PRICKLE2: variants seen among roughly 807,000 people sequenced by gnomAD.
PRICKLE2 encodes prickle planar cell polarity protein 2.
PRICKLE2 carries 21 observed loss-of-function variants against 81.4 expected under a neutral mutation model. That is an observed-to-expected ratio of 0.26 (90% CI 0.18 to 0.37). PRICKLE2 has a LOEUF of 0.37. Among genes scored for constraint, PRICKLE2 ranks in the 10% least tolerant of loss-of-function variants. PRICKLE2 has a pLI of 1.00. For missense variants in PRICKLE2, 940 were observed against 1,109.0 expected (o/e 0.85, Z 2.16); for synonymous variants, 456 against 421.5 (o/e 1.08, Z -1.00).
intron 1 of PRICKLE2, among the ~76,000 whole-genome samples, chr3:64,202,140 G>A (rs1256678197): frequency 6.6e-6 from 1 of 152,170 alleles, no homozygotes; most frequent in Admixed American, 6.5e-5. Flanking sequence ...CTGCAGTTCT[G>A]CGGTAAGTTT....
chr3:64,247,504 T>G (rs941043938), intron 2 of PRICKLE2, among the ~76,000 whole-genome samples: 1 of 152,218 alleles, frequency 6.6e-6, no homozygotes, highest in African/African-American at 2.4e-5. Context: ...TAATCTCCTG[T>G]ATCTTACTGA....
intron 2 of PRICKLE2, among the ~76,000 whole-genome samples, chr3:64,255,225 G>A (rs866344455): frequency 6.6e-6 from 1 of 152,176 alleles, no homozygotes; most frequent in Non-Finnish European, 1.5e-5. Context: ...CTCTCTGTGT[G>A]CATGCCTGAG....
rs542860269 is a variant in PRICKLE2 at position 64,098,968 on chromosome 3, G to A, written c.*83C>T. ...TCTCCCCCATAAGCCACCCCCAAAA[G>A]CGCTTTAACATTTAAAACAGTGCAA... is the stretch of plus-strand genomic sequence containing the variant. On this transcript the variant is annotated 3_prime_UTR_variant, in exon 8 of 8. Coordinates refer to ENST00000638394, the MANE Select transcript of PRICKLE2 (RefSeq NM_198859.4). The A allele has an allele frequency of 3.9e-6, 6 of 1,544,748 alleles. No individual in the cohort carries two copies. In the East Asian group the frequency reaches 9.0e-5, roughly 23 times the overall value.
At chr3:64,146,569 C>A (rs887155368) in intron 7 of PRICKLE2, 1 of 431,110 alleles carries the variant, frequency 2.3e-6, no homozygotes, top group Non-Finnish European at 4.3e-6. Context: ...CGGTGAAACA[C>A]GTGTGTACTA....
rs1257877651 is a variant in PRICKLE2, at chr3:64,146,847, G to T, written c.1643C>A (p.Ala548Asp). ...QTPRGSMESLALSNATGLSAD... is the reference protein window; with the variant it reads ...QTPRGSMESLDLSNATGLSAD... ...GAACCTACCTGTTGCATTAGACAGG[G>T]CCAGGGATTCCATGGAGCCCCGAGG... The change falls in exon 7 of 8, where the codon GCC becomes GAC. Residue 548 changes from alanine to aspartate, a missense_variant. Transcript: ENST00000638394. The T allele has an allele frequency of 2.5e-6, 4 of 1,613,998 alleles. No individual in the cohort carries two copies. The highest frequency in any genetic ancestry group is 3.4e-6 in the Non-Finnish European group (4 of 1,180,020).
At chr3:64,251,445 G>A (rs1294968868) in intron 2 of PRICKLE2, among the ~76,000 whole-genome samples, 3 of 152,110 alleles carry the variant, frequency 2.0e-5, no homozygotes, top group Non-Finnish European at 4.4e-5. Context: ...GGGACAGGGG[G>A]GCAAGAAATC....
intron 2 of PRICKLE2, among the ~76,000 whole-genome samples, chr3:64,238,608 G>T (rs1056163541): frequency 7.9e-5 from 12 of 152,154 alleles, no homozygotes; most frequent in Admixed American, 7.9e-4. Context: ...GGGAGAAAAG[G>T]TCCCCTGCTG....
At chr3:64,112,208 T>G (rs2076858916) in intron 7 of PRICKLE2, among the ~76,000 whole-genome samples, 1 of 152,220 alleles carries the variant, frequency 6.6e-6, no homozygotes, top group South Asian at 2.1e-4. Flanking sequence ...TTATTATACC[T>G]GCCTGTCCAC....
rs761911298 is a variant in PRICKLE2 at position 64,147,184 on chromosome 3, C to G, written c.1306G>C (p.Gly436Arg). Residue 436 changes from glycine (G) to arginine (R), a missense_variant, in exon 7 of 8, where the codon GGG becomes CGG. Transcript: ENST00000638394. The surrounding 1 kb of genome is among the most constrained non-coding windows in gnomAD (Gnocchi z 5.0). Reference protein sequence around the residue: ...TSYSPGGQGAGAQPEMWGKHF... With the variant: ...TSYSPGGQGARAQPEMWGKHF... The stretch of plus-strand genomic sequence containing the variant: ...TTGCCCCACATTTCGGGCTGGGCCC[C>G]AGCCCCTTGCCCTCCTGGACTGTAG... 1 of 1,613,812 alleles carries G rather than the reference C, an allele frequency of 6.2e-7. No homozygotes were observed. Among genetic ancestry groups the G allele is most frequent in the Admixed American group, 1.7e-5 (1 of 60,004 alleles).
intron 6 of PRICKLE2, among the ~76,000 whole-genome samples, chr3:64,152,578 G>T (rs1422986487): frequency 6.7e-6 from 1 of 149,944 alleles, no homozygotes; most frequent in Non-Finnish European, 1.5e-5. Flanking sequence ...AGACATACTT[G>T]CCAGAAGCCA....
At chr3:64,200,103 G>A (rs1187865711) in intron 1 of PRICKLE2, 1 of 152,062 alleles carries the variant, frequency 6.6e-6, no homozygotes, top group Non-Finnish European at 1.5e-5. Flanking sequence ...AGAAACCCCA[G>A]GAGCATTGGC....
chr3:64,121,650 T>G (rs894837309), intron 7 of PRICKLE2, among the ~76,000 whole-genome samples: 5 of 152,326 alleles, frequency 3.3e-5, no homozygotes, highest in Admixed American at 2.6e-4. Context: ...ATTCCTTATC[T>G]TGATGGCTAA....
At chr3:64,140,829 T>C (rs182983812) in intron 7 of PRICKLE2, among the ~76,000 whole-genome samples, 6 of 152,172 alleles carry the variant, frequency 3.9e-5, no homozygotes, top group African/African-American at 1.4e-4. Flanking sequence ...CTCTTTAGCA[T>C]TGGCAAACAG....
At chr3:64,190,342 A>T (rs1350107273) in intron 2 of PRICKLE2, 1 of 152,176 alleles carries the variant, frequency 6.6e-6, no homozygotes, top group African/African-American at 2.4e-5. Flanking sequence ...AAAATATCTG[A>T]CACATGTAAG....
intron 2 of PRICKLE2, among the ~76,000 whole-genome samples, chr3:64,257,096 TCAC>T (rs1173438024): frequency 2.6e-5 from 4 of 152,208 alleles, no homozygotes; most frequent in African/African-American, 9.7e-5. Flanking sequence ...TAGTAATGCT[TCAC>T]CCATTCATTT....
intron 2 of PRICKLE2, among the ~76,000 whole-genome samples, chr3:64,191,481 A>T (rs1238695619): frequency 6.6e-6 from 1 of 152,144 alleles, no homozygotes; most frequent in Non-Finnish European, 1.5e-5. Flanking sequence ...GTCTGAGATT[A>T]TATCTGTCTC....
In PRICKLE2 at chr3:64,147,483, C is replaced by A. The variant is rs147289291; in HGVS notation, c.1007G>T (p.Arg336Leu). The change falls in exon 7 of 8, where the codon CGC becomes CTC. Residue 336 changes from arginine to leucine, a missense_variant. Coordinates refer to ENST00000638394, the MANE Select transcript of PRICKLE2 (RefSeq NM_198859.4). The surrounding 1 kb of genome is among the most constrained non-coding windows in gnomAD (Gnocchi z 5.0). ...FQNARAKESRRSAKIGKNKGK... is the reference protein window; with the variant it reads ...FQNARAKESRLSAKIGKNKGK... ...CTTGTTCTTGCCAATTTTGGCACTG[C>A]GCCGGGACTCCTTGGCCCTGGCGTT... 44 of 1,614,256 alleles carry A rather than the reference C, an allele frequency of 2.7e-5. No homozygotes were observed. Among genetic ancestry groups the A allele is most frequent in the African/African-American group, 4.0e-5 (3 of 75,080 alleles).
chr3:64,262,914 C>T (rs1231183047), intron 2 of PRICKLE2, among the ~76,000 whole-genome samples: 3 of 152,156 alleles, frequency 2.0e-5, no homozygotes, highest in African/African-American at 7.2e-5. Context: ...GGTGGAGCCA[C>T]CGTTTTGAAG....
At chr3:64,181,233 G>C (rs2078127509) in intron 2 of PRICKLE2, among the ~76,000 whole-genome samples, 1 of 152,134 alleles carries the variant, frequency 6.6e-6, no homozygotes, top group Non-Finnish European at 1.5e-5. Flanking sequence ...AGAGTCTTCT[G>C]ATTGCTCTAG....
Sources: gnomAD v4.1 joint callset for allele counts (sites outside exome capture counted in the v4.1 genomes callset) on GRCh38, gnomAD v4.1.1 for gene constraint, Gnocchi (gnomAD v3.1) non-coding constraint, MANE v1.5 for transcripts, NCBI Gene and HGNC (gene_info 2026-07-23, HGNC 2026-07-21) for gene names.